Variants in RBMS3 observed in about 807,000 individuals in gnomAD.
RBMS3 encodes RNA binding motif single stranded interacting protein 3.
A neutral mutation model predicts 66.8 loss-of-function variants in RBMS3; 27 were observed. The ratio of observed to expected loss-of-function variants is 0.40; its 90% CI spans 0.30 to 0.56. RBMS3 has a LOEUF of 0.56. RBMS3 is among the 20% of genes least tolerant of loss of function. The probability of loss-of-function intolerance (pLI) is 0.40; values close to 1 mark genes in which losing one functional copy is unlikely to be tolerated. For synonymous variants in RBMS3, 188 were observed against 183.0 expected, an observed-to-expected ratio of 1.03 and a Z score of -0.22; for missense variants, 513 against 549.5, an observed-to-expected ratio of 0.93 and a Z score of 0.66.
intron 14 of RBMS3, among the ~76,000 whole-genome samples, chr3:29,995,126 G>T (rs936850934): frequency 5.3e-5 from 8 of 152,218 alleles, no homozygotes; most frequent in Non-Finnish European, 1.0e-4. Context: ...CGTGAAGAAT[G>T]CAGAAGCCTC....
At chr3:29,387,474 G>A (rs78381265) in intron 1 of RBMS3, among the ~76,000 whole-genome samples, 4,721 of 152,052 alleles carry the variant, frequency 0.031, 88 homozygotes, top group Non-Finnish European at 0.046. Context: ...TCACATTTCC[G>A]TCTCTGTAAT....
rs150426593 is a variant in RBMS3, at chr3:29,442,222, C to T, written c.248+7307C>T. Reference sequence around the variant, plus strand: ...TCTATATATACTTACATTTTTTTGCCGACTATAGTTTAGTGAACAAAAGTC... The same window carrying T: ...TCTATATATACTTACATTTTTTTGCTGACTATAGTTTAGTGAACAAAAGTC... On this transcript the variant is annotated intron_variant, in intron 2 of 14. Coordinates refer to ENST00000383767, the MANE Select transcript of RBMS3 (RefSeq NM_001003793.3). Among the ~76,000 whole-genome samples the T allele has an allele frequency of 4.0e-3, 602 of 151,758 alleles. 5 individuals carry two copies. Among genetic ancestry groups the T allele is most frequent in the African/African-American group, 0.014 (569 of 41,390 alleles).
intron 1 of RBMS3, among the ~76,000 whole-genome samples, chr3:29,390,008 A>G (rs1045585828): frequency 7.9e-5 from 12 of 152,176 alleles, no homozygotes; most frequent in African/African-American, 2.7e-4. Context: ...TGATGGCTTT[A>G]GTAGGGATTG....
chr3:29,587,760 G>A (rs1315891277), intron 4 of RBMS3, among the ~76,000 whole-genome samples: 1 of 151,924 alleles, frequency 6.6e-6, no homozygotes, highest in Non-Finnish European at 1.5e-5. Flanking sequence ...TGTACTGCTA[G>A]AATTTCACTT....
chr3:29,352,342 G>C (rs1209104659), intron 1 of RBMS3, among the ~76,000 whole-genome samples: 1 of 151,890 alleles, frequency 6.6e-6, no homozygotes, highest in East Asian at 1.9e-4. Flanking sequence ...CCCTTTTATA[G>C]TGCATGATAT....
At chr3:29,452,300 C>T (rs2042041703) in intron 2 of RBMS3, among the ~76,000 whole-genome samples, 1 of 152,140 alleles carries the variant, frequency 6.6e-6, no homozygotes, top group Admixed American at 6.5e-5. Flanking sequence ...CATAGATATA[C>T]AGTCTTGCCA....
At chr3:29,378,403 C>T (rs1013857981) in intron 1 of RBMS3, among the ~76,000 whole-genome samples, 9 of 150,620 alleles carry the variant, frequency 6.0e-5, no homozygotes, top group African/African-American at 1.2e-4. Context: ...AACCCGGAGG[C>T]GGAGCTTGCA....
chr3:29,805,041 A>T (rs2149448583), intron 6 of RBMS3, among the ~76,000 whole-genome samples: 1 of 151,974 alleles, frequency 6.6e-6, no homozygotes, highest in Non-Finnish European at 1.5e-5. Context: ...AGTATTTTTT[A>T]AATTATCTGT....
chr3:29,623,845 C>G (rs9809346), intron 4 of RBMS3, among the ~76,000 whole-genome samples: 6,202 of 152,120 alleles, frequency 0.041, 378 homozygotes, highest in East Asian at 0.31. Flanking sequence ...TAACAATGGA[C>G]TATGAATGAA....
intron 3 of RBMS3, among the ~76,000 whole-genome samples, chr3:29,549,774 A>G (rs1170096851): frequency 6.6e-6 from 1 of 152,044 alleles, no homozygotes; most frequent in Non-Finnish European, 1.5e-5. Context: ...GCTGGCAGCT[A>G]TGCTAGTGCA....
At chr3:29,741,050 AAAAAAAG>A (rs1266210162) in intron 5 of RBMS3, among the ~76,000 whole-genome samples, 1 of 152,030 alleles carries the variant, frequency 6.6e-6, no homozygotes, top group African/African-American at 2.4e-5. Flanking sequence ...CAAAAAAAAA[AAAAAAAG>A]AAAAACCATT....
intron 6 of RBMS3, among the ~76,000 whole-genome samples, chr3:29,798,869 G>C (rs2057298894): frequency 1.3e-5 from 2 of 149,348 alleles, no homozygotes; most frequent in East Asian, 2.0e-4. Flanking sequence ...GGATCTTCGA[G>C]ATCATTTTAT....
chr3:29,616,161 T>G (rs955992643), intron 4 of RBMS3: 1 of 152,186 alleles, frequency 6.6e-6, no homozygotes, highest in African/African-American at 2.4e-5. Context: ...TATTGAAGTC[T>G]AATTTGTGTA....
At chr3:29,461,862 T>C (rs2042379053) in intron 2 of RBMS3, among the ~76,000 whole-genome samples, 1 of 150,940 alleles carries the variant, frequency 6.6e-6, no homozygotes, top group Non-Finnish European at 1.5e-5. Context: ...CATGCCATTC[T>C]CCTGCCTCAG....
chr3:29,417,164 T>C (rs2040511618), intron 1 of RBMS3, among the ~76,000 whole-genome samples: 1 of 152,120 alleles, frequency 6.6e-6, no homozygotes, highest in Non-Finnish European at 1.5e-5. Flanking sequence ...CATTTTTTAT[T>C]TTCATGTTGT....
rs1247109025 is a variant in RBMS3 at position 29,471,273 on chromosome 3, T to C, written c.249-17168T>C. ...TATATTGGCAAAAATAATCAACTTA[T>C]GTCAGTACTCAGGTAAGAAGTAAGC... On this transcript the variant is annotated intron_variant, in intron 2 of 14. Coordinates refer to ENST00000383767, the MANE Select transcript of RBMS3 (RefSeq NM_001003793.3). Among the ~76,000 whole-genome samples, 3 of 152,346 alleles carry C rather than the reference T, an allele frequency of 2.0e-5. No individual in the cohort carries two copies. The East Asian group carries it at 5.8e-4, about 29-fold the overall frequency.
intron 1 of RBMS3, among the ~76,000 whole-genome samples, chr3:29,424,769 A>G (rs184268924): frequency 1.3e-4 from 20 of 152,156 alleles, no homozygotes; most frequent in Non-Finnish European, 5.9e-5. Flanking sequence ...TGTTATTTCT[A>G]TCATCCCTTT....
At chr3:29,412,751 A>G (rs2040316882) in intron 1 of RBMS3, among the ~76,000 whole-genome samples, 1 of 152,198 alleles carries the variant, frequency 6.6e-6, no homozygotes, top group South Asian at 2.1e-4. Context: ...GAAGGACAAA[A>G]TGTTTATCAC....
intron 14 of RBMS3, among the ~76,000 whole-genome samples, chr3:29,999,258 A>G (rs572398636): frequency 6.6e-6 from 1 of 152,202 alleles, no homozygotes; most frequent in African/African-American, 2.4e-5. Context: ...AAAAGTCAGG[A>G]AACAACAGGT....
Sources: allele counts gnomAD v4.1 joint callset (sites outside exome capture counted in the v4.1 genomes callset), GRCh38; gene constraint gnomAD v4.1.1; transcripts MANE v1.5; gene names NCBI Gene and HGNC (gene_info 2026-07-23, HGNC 2026-07-21).